AR: variants seen among roughly 807,000 people sequenced by gnomAD.
The protein encoded by AR is dihydrotestosterone receptor.
Under a neutral mutation model 53.9 loss-of-function variants are expected in AR, and 8 were observed. The observed-to-expected ratio is 0.15, with a 90% CI of 0.09 to 0.27. The LOEUF is 0.27. Ranked by LOEUF, AR falls within the 10% of genes least tolerant of loss-of-function variation. AR has a pLI of 1.00. For synonymous variants in AR, 359 were observed against 316.4 expected (o/e 1.13, Z -1.43); for missense variants, 639 against 742.5 (o/e 0.86, Z 1.62).
At position 67,729,987 on chromosome X, in the gene AR, G is replaced by GA. The variant is rs1282212747; in HGVS notation, c.*6156dup. 212 of 160,326 alleles carry GA rather than the reference G, an allele frequency of 1.3e-3. 1 individual carries two copies. Among genetic ancestry groups the GA allele is most frequent in the Middle Eastern group, 2.0e-3 (1 of 500 alleles). The allele number at this position is 160,326 out of a possible 1,213,427, so 13.2% of individuals were successfully genotyped here. On this transcript the variant is annotated 3_prime_UTR_variant, in exon 8 of 8. Coordinates refer to ENST00000374690, the MANE Select transcript of AR (RefSeq NM_000044.6). ...ATCAGAATGACCCACGCAAAAAAAA[G>GA]AAAAAAAAAATTAAAAAGTCCCCTC...
intron 2 of AR, among the ~76,000 whole-genome samples, chrX:67,646,804 AATC>A (rs1926080203): frequency 9.0e-6 from 1 of 111,014 alleles, no homozygotes; most frequent in Non-Finnish European, 1.9e-5. Flanking sequence ...TTACAAACAT[AATC>A]ATCATCATTT....
In AR at chrX:67,546,515, GGCGGCGGCGGC is replaced by G; in HGVS notation, c.1371_1381del (p.Gly458ArgfsTer40). On this transcript the variant is annotated frameshift_variant, in exon 1 of 8. Transcript: ENST00000374690. LOFTEE classifies it high-confidence loss of function. ...ACCGTGTGGTGGTGGTGGGGGTGGT[GGCGGCGGCGGC>G]GGCGGCGGCGGCGGCGGCGGCGGCG... The G allele has an allele frequency of 3.8e-6, 2 of 529,280 alleles. No individual in the cohort carries two copies. The highest frequency in any genetic ancestry group is 2.1e-6 in the Non-Finnish European group (1 of 472,427). 43.6% of individuals were successfully genotyped at this position (529,280 alleles called of 1,213,427 possible). A position where few individuals can be genotyped will look rare whatever the true frequency, so the allele number is the denominator to read the frequency against.
intron 1 of AR, among the ~76,000 whole-genome samples, chrX:67,640,127 T>C (rs1212038130): frequency 9.0e-6 from 1 of 111,677 alleles, no homozygotes; most frequent in African/African-American, 3.3e-5. Flanking sequence ...GTTTATTGAT[T>C]TGTGTATGTT....
At chrX:67,612,336 A>G (rs943133862) in intron 1 of AR, among the ~76,000 whole-genome samples, 1 of 112,091 alleles carries the variant, frequency 8.9e-6, no homozygotes, top group Non-Finnish European at 1.9e-5. Context: ...TGCGCAGATC[A>G]TTCCCCATTC....
At chrX:67,657,272 A>G (rs1336087678) in intron 2 of AR, among the ~76,000 whole-genome samples, 1 of 111,121 alleles carries the variant, frequency 9.0e-6, no homozygotes, top group Non-Finnish European at 1.9e-5. Context: ...AAGCACATCC[A>G]CACTTTCCCC....
chrX:67,720,396 T>C (rs747757550), intron 5 of AR, among the ~76,000 whole-genome samples: 1 of 110,591 alleles, frequency 9.0e-6, no homozygotes, highest in East Asian at 2.9e-4. Flanking sequence ...GCAGCAATGT[T>C]AAAGGAATCC....
chrX:67,697,636 C>G (rs1569309048), intron 3 of AR, among the ~76,000 whole-genome samples: 1 of 111,397 alleles, frequency 9.0e-6, no homozygotes. Context: ...TTAGCATACA[C>G]TGTCACATGG....
At chrX:67,718,145 C>T (rs1013134441) in intron 5 of AR, among the ~76,000 whole-genome samples, 1 of 111,594 alleles carries the variant, frequency 9.0e-6, no homozygotes, top group Admixed American at 9.5e-5. Flanking sequence ...AAATCAGGCT[C>T]AGCAAAATAA....
chrX:67,554,075 G>A lies in AR; in HGVS notation c.1616+7313G>A, dbSNP rs191677728. Among the ~76,000 whole-genome samples the A allele has an allele frequency of 1.1e-3, 123 of 111,959 alleles. 1 individual carries two copies. Among genetic ancestry groups the A allele is most frequent in the African/African-American group, 3.9e-3 (119 of 30,833 alleles). On this transcript the variant is annotated intron_variant, in intron 1 of 7. Coordinates refer to ENST00000374690, the MANE Select transcript of AR (RefSeq NM_000044.6). Reference sequence around the variant, plus strand: ...CGAACTGGTAATCCCATCCCCTTTCGGGATGAATAGGAGAGTGTTTTTAAA... The same window carrying A: ...CGAACTGGTAATCCCATCCCCTTTCAGGATGAATAGGAGAGTGTTTTTAAA...
intron 1 of AR, among the ~76,000 whole-genome samples, chrX:67,598,972 G>C (rs1389060008): frequency 9.0e-6 from 1 of 110,940 alleles, no homozygotes; most frequent in African/African-American, 3.3e-5. Context: ...AGCCACTTGT[G>C]GTAATGGAGC....
chrX:67,702,034 G>A, intron 3 of AR, among the ~76,000 whole-genome samples: 1 of 111,398 alleles, frequency 9.0e-6, no homozygotes, highest in Non-Finnish European at 1.9e-5. Context: ...AGATTCCTTG[G>A]GGAGGCAGTA....
intron 1 of AR, among the ~76,000 whole-genome samples, chrX:67,624,904 C>CAAAAAAAAAAAAAAAAAAAAAAAA (rs140323582): frequency 5.5e-5 from 1 of 18,181 alleles, no homozygotes; most frequent in Non-Finnish European, 7.7e-5. Flanking sequence ...GGCAATTAGG[C>CAAAAAAAAAAAAAAAAAAAAAAAA]AAAAAAAAAA....
intron 1 of AR, among the ~76,000 whole-genome samples, chrX:67,605,856 G>C (rs1179134782): frequency 9.0e-6 from 1 of 111,439 alleles, no homozygotes; most frequent in African/African-American, 3.3e-5. Flanking sequence ...CCTCAAAATG[G>C]GCATATAATA....
chrX:67,707,305 T>A (rs1312716794), intron 3 of AR, among the ~76,000 whole-genome samples: 3 of 112,164 alleles, frequency 2.7e-5, no homozygotes, highest in Non-Finnish European at 5.6e-5. Flanking sequence ...AAGTAATCAC[T>A]TTATGAATCT....
intron 1 of AR, among the ~76,000 whole-genome samples, chrX:67,642,225 C>A (rs1021375496): frequency 1.8e-5 from 2 of 111,782 alleles, no homozygotes; most frequent in Non-Finnish European, 3.8e-5. Context: ...GCAGATGTAA[C>A]CCAGAATGTC....
At chrX:67,633,934 G>A (rs112318058) in intron 1 of AR, among the ~76,000 whole-genome samples, 5,778 of 111,409 alleles carry the variant, frequency 0.052, 158 homozygotes, top group Middle Eastern at 0.084. Context: ...GGCTGCTAAT[G>A]GGTACAGGAT....
At chrX:67,593,054 T>C (rs984698556) in intron 1 of AR, among the ~76,000 whole-genome samples, 6 of 112,366 alleles carry the variant, frequency 5.3e-5, no homozygotes, top group Non-Finnish European at 1.1e-4. Flanking sequence ...ACTTCAGTCC[T>C]TTCCCACCCA....
At chrX:67,722,781 T>G in intron 6 of AR, 46 bp from the exon 7 acceptor site, 1 of 1,200,824 alleles carries the variant, frequency 8.3e-7, no homozygotes, top group Non-Finnish European at 1.1e-6. Context: ...TAATGCTCCT[T>G]CGTGGGCATG....
chrX:67,712,260 C>T (rs371935636), intron 4 of AR, among the ~76,000 whole-genome samples: 1 of 111,795 alleles, frequency 8.9e-6, no homozygotes, highest in African/African-American at 3.3e-5. Flanking sequence ...ATGTATAAAG[C>T]GTGGTTTGTA....
Sources: allele counts gnomAD v4.1 joint callset (sites outside exome capture counted in the v4.1 genomes callset), GRCh38; gene constraint gnomAD v4.1.1; transcripts MANE v1.5; gene names NCBI Gene and HGNC (gene_info 2026-07-23, HGNC 2026-07-21).